The following FAM120B variants were observed in gnomAD, a reference collection of about 807,000 sequenced individuals.
The protein encoded by FAM120B is constitutive coactivator of peroxisome proliferator-activated receptor gamma.
A neutral mutation model predicts 96.3 loss-of-function variants in FAM120B; 83 were observed. That is an observed-to-expected ratio of 0.86 (90% confidence interval 0.72 to 1.03). The LOEUF (loss-of-function observed/expected upper bound fraction) is 1.03, where lower values mean the gene tolerates loss of function less well. FAM120B is among the 50% of genes least tolerant of loss of function. The probability of loss-of-function intolerance (pLI) is 0.00; values close to 1 mark genes in which losing one functional copy is unlikely to be tolerated. For missense variants in FAM120B, 1,027 were observed against 1,121.2 expected, an observed-to-expected ratio of 0.92 and a Z score of 1.20; for synonymous variants, 407 against 402.7, an observed-to-expected ratio of 1.01 and a Z score of -0.13.
intron 1 of FAM120B, among the ~76,000 whole-genome samples, chr6:170,301,043 G>A (rs1192736136): frequency 6.6e-6 from 1 of 152,232 alleles, no homozygotes; most frequent in African/African-American, 2.4e-5. Flanking sequence ...TGTGCCAGTG[G>A]GGATTCTGTG....
At chr6:170,294,705 T>A (rs1783958710), upstream of FAM120B, among the ~76,000 whole-genome samples, 2 of 152,150 alleles carry the variant, frequency 1.3e-5, no homozygotes, top group South Asian at 4.1e-4. The surrounding 1 kb of genome is among the most constrained non-coding windows in gnomAD (Gnocchi z 7.9). Flanking sequence ...TGGTGGTGAC[T>A]GTGGTGGGGG....
chr6:170,318,909 G>A lies in FAM120B; in HGVS notation c.1519G>A (p.Glu507Lys), dbSNP rs1332457997. 1.9e-6 allele frequency: 3 copies of A among 1,614,070 alleles called. No homozygotes were observed. The highest frequency in any genetic ancestry group is 3.3e-5 in the Admixed American group (2 of 60,006). Reference sequence around the variant, plus strand: ...GTGTACAGGCCATGAATCCAAACAGGAAGTTCCCATATGTACAGATCCTAT... The same window carrying A: ...GTGTACAGGCCATGAATCCAAACAGAAAGTTCCCATATGTACAGATCCTAT... ...IMCTGHESKQ[E>K]VPICTDPISK... The change falls in exon 2 of 11, where the codon GAA becomes AAA. Residue 507 changes from glutamate to lysine, a missense_variant. Physicochemically the swap from Glu to Lys is moderately conservative, Grantham distance 56. This residue lies in a region of FAM120B where 880 missense variants were observed against 980.9 expected (regional missense o/e 0.90). Coordinates refer to ENST00000476287, the MANE Select transcript of FAM120B (RefSeq NM_032448.3).
chr6:170,311,433 C>G (rs944808840), intron 1 of FAM120B, among the ~76,000 whole-genome samples: 2 of 152,192 alleles, frequency 1.3e-5, no homozygotes, highest in Non-Finnish European at 2.9e-5. Flanking sequence ...TTAGATTAAA[C>G]TACTTAATAG....
intron 6 of FAM120B, among the ~76,000 whole-genome samples, chr6:170,362,607 C>G (rs1335142571): frequency 1.3e-5 from 2 of 152,026 alleles, no homozygotes; most frequent in Non-Finnish European, 2.9e-5. Flanking sequence ...TGTGCACTCA[C>G]ATGGTGTGTG....
intron 1 of FAM120B, among the ~76,000 whole-genome samples, chr6:170,311,545 T>C (rs1784594902): frequency 6.6e-6 from 1 of 152,250 alleles, no homozygotes; most frequent in African/African-American, 2.4e-5. Flanking sequence ...CACACCTGCC[T>C]GTCTTCAGGC....
upstream of FAM120B, among the ~76,000 whole-genome samples, chr6:170,293,990 C>G (rs542919811): frequency 6.6e-6 from 1 of 152,166 alleles, no homozygotes; most frequent in Non-Finnish European, 1.5e-5. Flanking sequence ...CTTAGGGATT[C>G]GAGCTGGAGG....
chr6:170,351,166 A>G (rs1027954080), intron 5 of FAM120B, among the ~76,000 whole-genome samples: 2 of 152,250 alleles, frequency 1.3e-5, no homozygotes, highest in African/African-American at 4.8e-5. Context: ...ACAAGTGTCA[A>G]TAGCAGAATA....
chr6:170,359,323 G>T (rs1788181270), intron 6 of FAM120B, among the ~76,000 whole-genome samples: 1 of 151,596 alleles, frequency 6.6e-6, no homozygotes, highest in Non-Finnish European at 1.5e-5. Context: ...AAACTGGGAG[G>T]CAGAGGTTGA....
chr6:170,376,765 G>C (rs1045253825), intron 6 of FAM120B, among the ~76,000 whole-genome samples: 1 of 152,248 alleles, frequency 6.6e-6, no homozygotes, highest in Non-Finnish European at 1.5e-5. Context: ...GGACTAGCCA[G>C]ATGGGAACAT....
In FAM120B at chr6:170,391,075, G is replaced by A. The variant is rs1562594860; in HGVS notation, c.2553G>A (p.Glu851=). 1.9e-6 allele frequency: 3 copies of A among 1,614,188 alleles called. No individual in the cohort carries two copies. Among genetic ancestry groups the A allele is most frequent in the Non-Finnish European group, 2.5e-6 (3 of 1,180,036 alleles). The change falls in exon 8 of 11, where the codon GAG becomes GAA. Residue 851 remains glutamate, a synonymous_variant. Transcript: ENST00000476287. ...KAVVCKACMK[E]NRRITGRAHW... is the part of the protein sequence containing the mutation. Reference sequence around the variant, plus strand: ...TCGTCTGCAAGGCCTGCATGAAGGAGAACAGACGCATCACTGGCCGAGCCC... The same window carrying A: ...TCGTCTGCAAGGCCTGCATGAAGGAAAACAGACGCATCACTGGCCGAGCCC...
chr6:170,402,731 G>C (rs1428767612), intron 9 of FAM120B, among the ~76,000 whole-genome samples: 3 of 152,224 alleles, frequency 2.0e-5, no homozygotes, highest in African/African-American at 7.2e-5. Context: ...TTGAATTTCA[G>C]GAATGATTTG....
At chr6:170,334,931 G>C (rs1786310180) in intron 4 of FAM120B, among the ~76,000 whole-genome samples, 1 of 151,624 alleles carries the variant, frequency 6.6e-6, no homozygotes, top group Non-Finnish European at 1.5e-5. Context: ...AATGTATTCT[G>C]TTTTGTTTAT....
chr6:170,352,886 C>A (rs749221761), intron 5 of FAM120B, among the ~76,000 whole-genome samples: 2 of 151,824 alleles, frequency 1.3e-5, no homozygotes, highest in Non-Finnish European at 2.9e-5. Context: ...TAACCAAGAT[C>A]AGAGCTGAAC....
At chr6:170,337,975 A>C (rs548614185) in intron 4 of FAM120B, among the ~76,000 whole-genome samples, 2 of 152,070 alleles carry the variant, frequency 1.3e-5, no homozygotes, top group African/African-American at 2.4e-5. Flanking sequence ...TCAAAAAAAA[A>C]CCCAGCTCCT....
At chr6:170,358,095 TGTGCCTGTAC>T (rs1349263304) in intron 5 of FAM120B, 121 bp from the exon 6 acceptor site, 10 of 717,836 alleles carry the variant, frequency 1.4e-5, no homozygotes, top group Admixed American at 7.1e-5. Flanking sequence ...TGCCTGTGCG[TGTGCCTGTAC>T]GTGCCTGTGT....
intron 5 of FAM120B, among the ~76,000 whole-genome samples, chr6:170,357,975 CGTGTGCCTGTGT>C (rs1562563024): frequency 6.6e-6 from 1 of 151,874 alleles, no homozygotes. Flanking sequence ...TGCACCTGTG[CGTGTGCCTGTGT>C]GTACACCTGT....
chr6:170,297,083 CA>C (rs967792327), intron 1 of FAM120B, among the ~76,000 whole-genome samples: 1 of 152,218 alleles, frequency 6.6e-6, no homozygotes, highest in African/African-American at 2.4e-5. Context: ...CAGAGGCTCG[CA>C]AACAATAAAC....
intron 6 of FAM120B, among the ~76,000 whole-genome samples, chr6:170,375,796 G>C (rs1479834057): frequency 6.6e-6 from 1 of 152,140 alleles, no homozygotes; most frequent in Non-Finnish European, 1.5e-5. Flanking sequence ...ACGAGGGATG[G>C]TCCCCGTCTG....
chr6:170,374,036 G>A (rs558934947), intron 6 of FAM120B, among the ~76,000 whole-genome samples: 90 of 152,270 alleles, frequency 5.9e-4, no homozygotes, highest in African/African-American at 2.1e-3. Flanking sequence ...GTTCTACCTG[G>A]ATTTTTTACC....
Sources: gnomAD v4.1 joint callset for allele counts (sites outside exome capture counted in the v4.1 genomes callset) on GRCh38, gnomAD v4.1.1 for gene constraint, gnomAD v4.1.1 regional missense constraint, Gnocchi (gnomAD v3.1) non-coding constraint, MANE v1.5 for transcripts, NCBI Gene and HGNC (gene_info 2026-07-23, HGNC 2026-07-21) for gene names.